FSTL5: variants seen among roughly 807,000 people sequenced by gnomAD.
FSTL5 encodes the protein follistatin-related protein 5.
Under a neutral mutation model 89.1 loss-of-function variants are expected in FSTL5, and 62 were observed. The ratio of observed to expected loss-of-function variants is 0.70; its 90% CI spans 0.57 to 0.86. The LOEUF (loss-of-function observed/expected upper bound fraction) is 0.86. FSTL5 is among the 40% of genes least tolerant of loss of function. The pLI, the probability that FSTL5 is intolerant of heterozygous loss-of-function variation, is 0.00. For missense variants in FSTL5, 1,057 were observed against 1,001.6 expected (o/e 1.06, Z -0.75); for synonymous variants, 383 against 346.2 (o/e 1.11, Z -1.18).
chr4:162,071,481 C>G (rs191359608), intron 2 of FSTL5, among the ~76,000 whole-genome samples: 1 of 151,732 alleles, frequency 6.6e-6, no homozygotes, highest in East Asian at 1.9e-4. Flanking sequence ...TACCAAAGCA[C>G]CCCGACATAT....
Position 161,934,560 on chromosome 4 carries a change from G to A in FSTL5, c.161-13908C>T, listed in dbSNP as rs530324775. ...CATTTGATCTGACCTTCTATTGCCT[G>A]AGTTTGAAACCTGGTTCCATCAGTA... On this transcript the variant is annotated intron_variant, in intron 3 of 15. Coordinates refer to ENST00000306100, the MANE Select transcript of FSTL5 (RefSeq NM_020116.5). 6.6e-5 allele frequency among the ~76,000 whole-genome samples: 10 copies of A among 152,130 alleles called. 1 individual carries two copies. In the South Asian group the frequency reaches 2.1e-3, roughly 32 times the overall value.
chr4:161,771,468 G>C (rs536286357), intron 5 of FSTL5, among the ~76,000 whole-genome samples: 1 of 152,040 alleles, frequency 6.6e-6, no homozygotes, highest in African/African-American at 2.4e-5. Flanking sequence ...TACTTGGAAA[G>C]TAGTAGAGAT....
chr4:161,733,696 A>G (rs947956560), intron 6 of FSTL5, among the ~76,000 whole-genome samples: 5 of 152,016 alleles, frequency 3.3e-5, no homozygotes, highest in African/African-American at 7.2e-5. Context: ...CTGACATTTT[A>G]TATCAGTAAT....
intron 8 of FSTL5, 116 bp from the exon 9 acceptor site, chr4:161,542,809 C>T (rs57772421): frequency 0.024 from 12,876 of 529,588 alleles, 1,222 homozygotes; most frequent in African/African-American, 0.22. Context: ...TGATGCTATA[C>T]GTTTCTACAG....
intron 6 of FSTL5, among the ~76,000 whole-genome samples, chr4:161,756,417 C>A (rs529293710): frequency 2.6e-5 from 4 of 152,124 alleles, no homozygotes; most frequent in South Asian, 2.1e-4. Flanking sequence ...TTACTACAAA[C>A]AATTTCCATA....
At chr4:162,129,562 G>C (rs1016550652) in intron 1 of FSTL5, among the ~76,000 whole-genome samples, 1 of 152,196 alleles carries the variant, frequency 6.6e-6, no homozygotes, top group Admixed American at 6.5e-5. Flanking sequence ...ATCTGTCCCA[G>C]AGAAGGGACT....
At chr4:161,395,120 A>C (rs1730953684) in intron 15 of FSTL5, among the ~76,000 whole-genome samples, 1 of 152,202 alleles carries the variant, frequency 6.6e-6, no homozygotes, top group African/African-American at 2.4e-5. Context: ...GCCTATCATC[A>C]AAATTATATT....
At chr4:161,853,977 T>C (rs151324851) in intron 4 of FSTL5, among the ~76,000 whole-genome samples, 186 of 152,258 alleles carry the variant, frequency 1.2e-3, no homozygotes, top group African/African-American at 4.3e-3. Flanking sequence ...CAGGTTCAGG[T>C]TTGAATGAAA....
At chr4:161,589,057 T>C (rs1264206215) in intron 7 of FSTL5, among the ~76,000 whole-genome samples, 1 of 151,628 alleles carries the variant, frequency 6.6e-6, no homozygotes, top group Admixed American at 6.6e-5. Flanking sequence ...GACATGATCT[T>C]GGCTCACTGC....
intron 4 of FSTL5, among the ~76,000 whole-genome samples, chr4:161,904,893 T>C (rs2110807291): frequency 6.6e-6 from 1 of 152,030 alleles, no homozygotes; most frequent in South Asian, 2.1e-4. Flanking sequence ...ATAATATTAC[T>C]ATTAAGTTTC....
intron 7 of FSTL5, among the ~76,000 whole-genome samples, chr4:161,610,275 T>G (rs1734590188): frequency 6.6e-6 from 1 of 152,166 alleles, no homozygotes. Context: ...CCCTGTTGTA[T>G]GTGTAAAAAT....
intron 4 of FSTL5, among the ~76,000 whole-genome samples, chr4:161,831,035 T>G (rs1730827734): frequency 6.6e-6 from 1 of 151,974 alleles, no homozygotes; most frequent in Non-Finnish European, 1.5e-5. Flanking sequence ...AATGAAACTT[T>G]CATGTCCTTC....
At chr4:161,635,903 C>G (rs13149361) in intron 7 of FSTL5, among the ~76,000 whole-genome samples, 20,196 of 152,092 alleles carry the variant, frequency 0.13, 1,732 homozygotes, top group Middle Eastern at 0.28. Context: ...CAGTTGCCAA[C>G]AAACATATTT....
chr4:161,619,067 C>T (rs1309548287), intron 7 of FSTL5, among the ~76,000 whole-genome samples: 1 of 152,018 alleles, frequency 6.6e-6, no homozygotes, highest in Non-Finnish European at 1.5e-5. Flanking sequence ...TTTGACAAAC[C>T]TGAGAAAAAC....
chr4:161,464,723 A>G (rs1391373213), intron 13 of FSTL5, among the ~76,000 whole-genome samples: 4 of 152,132 alleles, frequency 2.6e-5, no homozygotes, highest in Non-Finnish European at 5.9e-5. Flanking sequence ...TAATTGTAAA[A>G]CGTAAGTTGC....
chr4:162,052,472 T>C lies in FSTL5; in HGVS notation c.127-18814A>G, dbSNP rs114881584. On this transcript the variant is annotated intron_variant, in intron 2 of 15. Coordinates refer to ENST00000306100, the MANE Select transcript of FSTL5 (RefSeq NM_020116.5). ...AGAAAATATAAAATAGCAAAATATA[T>C]GCTGCTGTTTGTGTGAGACTAGAGC... 6.9e-3 allele frequency among the ~76,000 whole-genome samples: 1,052 copies of C among 151,838 alleles called. 12 individuals carry two copies. Among genetic ancestry groups the C allele is most frequent in the African/African-American group, 0.024 (991 of 41,506 alleles).
intron 15 of FSTL5, among the ~76,000 whole-genome samples, chr4:161,434,775 TA>T (rs1158601090): frequency 1.3e-5 from 2 of 152,018 alleles, no homozygotes; most frequent in East Asian, 3.9e-4. Context: ...AAGATGTGAA[TA>T]TGCATTTCTC....
chr4:161,921,120 A>T (rs1440449290), intron 3 of FSTL5, among the ~76,000 whole-genome samples: 2 of 152,168 alleles, frequency 1.3e-5, no homozygotes, highest in Non-Finnish European at 2.9e-5. Flanking sequence ...GATGTTCCAT[A>T]AATGTTAGCT....
At chr4:161,975,142 G>T (rs7657973) in intron 3 of FSTL5, among the ~76,000 whole-genome samples, 45,270 of 127,634 alleles carry the variant, frequency 0.35, 8,248 homozygotes, top group Middle Eastern at 0.53. Context: ...GGAACACTTT[G>T]ACACTGTTGG....
Sources: allele counts gnomAD v4.1 joint callset (sites outside exome capture counted in the v4.1 genomes callset), GRCh38; gene constraint gnomAD v4.1.1; transcripts MANE v1.5; gene names NCBI Gene and HGNC (gene_info 2026-07-23, HGNC 2026-07-21).